FAM83A: variants seen among roughly 807,000 people sequenced by gnomAD.
FAM83A encodes the protein protein FAM83A.
FAM83A carries 21 observed loss-of-function variants against 24.4 expected under a neutral mutation model. That is an observed-to-expected ratio of 0.86 (90% CI 0.61 to 1.24). The LOEUF (loss-of-function observed/expected upper bound fraction) is 1.24. Ranked by LOEUF, FAM83A falls within the 50% of genes most tolerant of loss-of-function variation. The pLI is 0.00. For synonymous variants in FAM83A, 270 were observed against 252.4 expected (o/e 1.07, Z -0.66); for missense variants, 617 against 579.8 (o/e 1.06, Z -0.66).
At chr8:123,201,782 C>T (rs1824368225) in intron 3 of FAM83A, 1 of 152,282 alleles carries the variant, frequency 6.6e-6, no homozygotes, top group Non-Finnish European at 1.5e-5. Context: ...GGGTCTGACC[C>T]CAGCATAGGT....
chr8:123,191,608 G>T (rs985972110), intron 1 of FAM83A, among the ~76,000 whole-genome samples, 195 bp from the exon 2 acceptor site: 2 of 152,130 alleles, frequency 1.3e-5, no homozygotes, highest in Admixed American at 1.3e-4. Context: ...CAGGACAGGC[G>T]CAGGGGCCTC....
exon 1 of FAM83A, chr8:123,183,083 G>A (rs1250981428): frequency 1.2e-6 from 2 of 1,613,888 alleles, no homozygotes; most frequent in South Asian, 1.1e-5. Context: ...GCCCAGGCCA[G>A]GGAGCCCCCG....
intron 2 of FAM83A, 51 bp from the exon 3 acceptor site, chr8:123,193,973 T>C (rs1358188293): frequency 6.2e-7 from 1 of 1,607,866 alleles, no homozygotes; most frequent in Non-Finnish European, 8.5e-7. Context: ...AGCCCAAATG[T>C]ATCTCTATAA....
At chr8:123,207,903 T>G in exon 4 of FAM83A, 1 of 1,277,432 alleles carries the variant, frequency 7.8e-7, no homozygotes, top group Non-Finnish European at 9.8e-7. Flanking sequence ...GTGCAGCACA[T>G]TCCAGAAGGT....
At chr8:123,191,778 A>G in intron 1 of FAM83A, 25 bp from the exon 2 acceptor site, 1 of 1,611,130 alleles carries the variant, frequency 6.2e-7, no homozygotes, top group African/African-American at 1.3e-5. Flanking sequence ...CCTTTCTGGT[A>G]ACTGAGCACT....
intron 1 of FAM83A, among the ~76,000 whole-genome samples, chr8:123,184,228 G>T (rs1823717617): frequency 6.6e-6 from 1 of 152,028 alleles, no homozygotes; most frequent in African/African-American, 2.4e-5. Flanking sequence ...TCCTGCTTCA[G>T]GACCCAGCAT....
At chr8:123,205,839 A>G (rs1824533400) in intron 3 of FAM83A, among the ~76,000 whole-genome samples, 1 of 151,956 alleles carries the variant, frequency 6.6e-6, no homozygotes, top group South Asian at 2.1e-4. Flanking sequence ...AACAGAAAAG[A>G]GTTGGGGTTA....
chr8:123,187,110 A>G (rs996276439), intron 1 of FAM83A, among the ~76,000 whole-genome samples: 1 of 152,150 alleles, frequency 6.6e-6, no homozygotes, highest in African/African-American at 2.4e-5. Context: ...AGGAAGGGAA[A>G]GGAATTCCAG....
chr8:123,185,292 G>C (rs938673095), intron 1 of FAM83A, among the ~76,000 whole-genome samples: 1 of 152,220 alleles, frequency 6.6e-6, no homozygotes, highest in African/African-American at 2.4e-5. Flanking sequence ...TCCGCATGAA[G>C]TTCAGTGCTC....
chr8:123,192,064 T>G lies in FAM83A; in HGVS notation c.648+94T>G, dbSNP rs76206404. 7,083 of 1,379,012 alleles carry G rather than the reference T, an allele frequency of 5.1e-3. 296 individuals are homozygous for G. The African/African-American group carries it at 0.087, about 17-fold the overall frequency. 85.4% of individuals were successfully genotyped at this position (1,379,012 alleles called of 1,614,324 possible). A position where few individuals can be genotyped will look rare whatever the true frequency, so the allele number is the denominator to read the frequency against. On this transcript the variant is annotated intron_variant, in intron 2 of 3. Coordinates refer to ENST00000690554, the Ensembl canonical transcript of FAM83A. ...ACAAATGTCCCTCATCTTGTGTTAA[T>G]AGCTTAACACAATAAAGGTTCATTT... is the stretch of plus-strand genomic sequence containing the variant.
chr8:123,183,436 T>A, intron 1 of FAM83A, 100 bp downstream of exon 1: 1 of 1,501,626 alleles, frequency 6.7e-7, no homozygotes, highest in Non-Finnish European at 8.9e-7. Flanking sequence ...AGGGCGAGAG[T>A]CCAGATAATT....
upstream of FAM83A, chr8:123,182,467 C>A (rs1323604457): frequency 1.7e-5 from 7 of 420,308 alleles, no homozygotes; most frequent in African/African-American, 1.4e-4. Flanking sequence ...AGGGAGGCTC[C>A]CTGCTTGGTA....
chr8:123,182,896 C>T, exon 1 of FAM83A: 2 of 1,532,600 alleles, frequency 1.3e-6, no homozygotes, highest in East Asian at 4.5e-5. Flanking sequence ...CCGGAAGCGT[C>T]TGGAAGATGT....
chr8:123,205,285 T>C (rs1824508422), intron 3 of FAM83A, among the ~76,000 whole-genome samples: 1 of 152,210 alleles, frequency 6.6e-6, no homozygotes, highest in Non-Finnish European at 1.5e-5. Flanking sequence ...TCTTGTTCTG[T>C]TGAGCAAAGC....
chr8:123,181,350 G>T (rs532262105), upstream of FAM83A, among the ~76,000 whole-genome samples: 1 of 152,216 alleles, frequency 6.6e-6, no homozygotes, highest in South Asian at 2.1e-4. Context: ...CCAAAGAATG[G>T]CTCTGCCACT....
chr8:123,184,689 C>T (rs1466939004), intron 1 of FAM83A, among the ~76,000 whole-genome samples: 2 of 152,190 alleles, frequency 1.3e-5, no homozygotes, highest in Non-Finnish European at 2.9e-5. Context: ...ATGACTCCAG[C>T]ACCAGGCTGT....
Position 123,190,181 on chromosome 8 carries a change from G to C in FAM83A, c.481-1622G>C, listed in dbSNP as rs56070700. On this transcript the variant is annotated intron_variant, in intron 1 of 3. Transcript: ENST00000690554. ...ATGTCTACAGAAAAAAAATGAAAGA[G>C]AGAGAGGAAGAAAAGAAAGAAAAGA... 7.3e-5 allele frequency among the ~76,000 whole-genome samples: 11 copies of C among 151,330 alleles called. No homozygotes were observed. In the South Asian group the frequency reaches 2.1e-3, roughly 29 times the overall value.
chr8:123,208,679 A>C (rs1824642199), exon 4 of FAM83A: 1 of 985,358 alleles, frequency 1.0e-6, no homozygotes, highest in South Asian at 4.7e-5. Flanking sequence ...GCTGAGTGCA[A>C]AGAAATATAG....
At chr8:123,195,875 G>C (rs993137807) in intron 3 of FAM83A, among the ~76,000 whole-genome samples, 90 of 152,296 alleles carry the variant, frequency 5.9e-4, no homozygotes, top group African/African-American at 1.6e-3. Flanking sequence ...GCATCACATT[G>C]GGGATTAGGA....
Sources: allele counts gnomAD v4.1 joint callset (sites outside exome capture counted in the v4.1 genomes callset), GRCh38; gene constraint gnomAD v4.1.1; transcripts MANE v1.5; gene names NCBI Gene and HGNC (gene_info 2026-07-23, HGNC 2026-07-21).